Variants in GRIA2 observed in about 807,000 individuals in gnomAD.
The protein encoded by GRIA2 is glutamate ionotropic receptor AMPA type subunit 2.
Under a neutral mutation model 97.3 loss-of-function variants are expected in GRIA2, and 14 were observed. That is an observed-to-expected ratio of 0.14 (90% CI 0.10 to 0.23). The LOEUF (loss-of-function observed/expected upper bound fraction) is 0.23. Among genes scored for constraint, GRIA2 ranks in the 10% least tolerant of loss-of-function variants. The pLI, the probability that GRIA2 is intolerant of heterozygous loss-of-function variation, is 1.00. For missense variants in GRIA2, 558 were observed against 1,069.8 expected (o/e 0.52, Z 6.67); for synonymous variants, 412 against 387.8 (o/e 1.06, Z -0.73).
At chr4:157,224,386 G>A (rs554470914) in intron 2 of GRIA2, among the ~76,000 whole-genome samples, 71 of 152,272 alleles carry the variant, frequency 4.7e-4, no homozygotes, top group African/African-American at 1.7e-3. Flanking sequence ...TGACAGAAGA[G>A]AGGCTCATTG....
At chr4:157,234,168 G>C (rs879127103) in intron 2 of GRIA2, among the ~76,000 whole-genome samples, 204 of 152,142 alleles carry the variant, frequency 1.3e-3, no homozygotes, top group African/African-American at 4.7e-3. Flanking sequence ...TAATTATCAG[G>C]TTTAAATGAT....
At position 157,365,225 on chromosome 4, in the gene GRIA2, C is replaced by T. The variant is rs1476948634; in HGVS notation, c.*1794C>T. ...AGGCATGTGGTATCATGATATTCTT[C>T]ACTAAATTTAGCTGTCCCTAATCAC... On this transcript the variant is annotated 3_prime_UTR_variant, in exon 16 of 16. Coordinates refer to ENST00000264426, the MANE Select transcript of GRIA2 (RefSeq NM_001083619.3). The T allele has an allele frequency of 3.3e-5, 5 of 151,636 alleles. No individual in the cohort carries two copies. Among genetic ancestry groups the T allele is most frequent in the Non-Finnish European group, 5.9e-5 (4 of 67,642 alleles). 9.4% of individuals were successfully genotyped at this position (151,636 alleles called of 1,614,324 possible). A position where few individuals can be genotyped will look rare whatever the true frequency, so the allele number is the denominator to read the frequency against.
Position 157,320,119 on chromosome 4 carries a change from G to T in GRIA2, c.721-1319G>T, listed in dbSNP as rs187269310. Among the ~76,000 whole-genome samples the T allele has an allele frequency of 6.0e-4, 91 of 152,078 alleles. No individual in the cohort carries two copies. The East Asian group carries it at 0.011, about 18-fold the overall frequency. On this transcript the variant is annotated intron_variant, in intron 5 of 15. Coordinates refer to ENST00000264426, the MANE Select transcript of GRIA2 (RefSeq NM_001083619.3). The stretch of plus-strand genomic sequence containing the variant: ...TTTCATGGAAGCACTGGAAAAAATG[G>T]GGATAAGCATATAGAAATCTCTAGC...
intron 12 of GRIA2, among the ~76,000 whole-genome samples, chr4:157,352,356 T>C (rs1013031818): frequency 4.6e-5 from 7 of 152,226 alleles, no homozygotes; most frequent in African/African-American, 1.7e-4. Flanking sequence ...AGGGCTTAGA[T>C]TGTAAAATTT....
chr4:157,298,857 G>A (rs1278442033), intron 2 of GRIA2, among the ~76,000 whole-genome samples: 1 of 151,906 alleles, frequency 6.6e-6, no homozygotes, highest in South Asian at 2.1e-4. Flanking sequence ...AGATAACTGG[G>A]ATAATAGTGA....
chr4:157,283,471 A>G (rs984200363), intron 2 of GRIA2, among the ~76,000 whole-genome samples: 1 of 152,012 alleles, frequency 6.6e-6, no homozygotes, highest in Non-Finnish European at 1.5e-5. Context: ...TAATGTAGGA[A>G]TTATAAATAT....
chr4:157,252,659 A>G (rs1421606205), intron 2 of GRIA2, among the ~76,000 whole-genome samples: 1 of 152,144 alleles, frequency 6.6e-6, no homozygotes, highest in Non-Finnish European at 1.5e-5. Flanking sequence ...ATCAATGCAT[A>G]ATATTAGAGA....
At chr4:157,226,587 A>G (rs1243553268) in intron 2 of GRIA2, among the ~76,000 whole-genome samples, 1 of 152,040 alleles carries the variant, frequency 6.6e-6, no homozygotes, top group Non-Finnish European at 1.5e-5. Flanking sequence ...AATTACTGAG[A>G]TTTTTGTATC....
Position 157,332,903 on chromosome 4 carries a change from C to G in GRIA2, c.967C>G (p.Arg323Gly). The part of the protein sequence containing the change: ...NLRKQRIEIS[R>G]RGNAGDCLAN... ...AAGGAAGCAAAGAATTGAAATCTCC[C>G]GAAGGGGGAATGCAGGAGACTGTCT... is the stretch of plus-strand genomic sequence containing the variant. Residue 323 changes from arginine (R) to glycine (G), a missense_variant, in exon 7 of 16, where the codon CGA (arginine) becomes GGA (glycine). Physicochemically the swap from Arg to Gly is moderately radical, Grantham distance 125. Coordinates refer to ENST00000264426, the MANE Select transcript of GRIA2 (RefSeq NM_001083619.3). The G allele has an allele frequency of 1.9e-6, 3 of 1,612,362 alleles. No individual in the cohort carries two copies. The highest frequency in any genetic ancestry group is 2.5e-6 in the Non-Finnish European group (3 of 1,178,836).
chr4:157,220,652 ATGTGTGTGTG>A (rs60010721), upstream of GRIA2: 10 of 186,640 alleles, frequency 5.4e-5, no homozygotes, highest in East Asian at 1.2e-3. Context: ...GCGTGTGTGT[ATGTGTGTGTG>A]TGTGTGTGTG....
At chr4:157,277,671 G>A (rs1227651742) in intron 2 of GRIA2, among the ~76,000 whole-genome samples, 1 of 151,186 alleles carries the variant, frequency 6.6e-6, no homozygotes, top group Admixed American at 6.6e-5. Flanking sequence ...AAATAATTAT[G>A]GCAAGGTTGC....
chr4:157,346,374 G>A (rs1735766107), intron 12 of GRIA2, among the ~76,000 whole-genome samples: 1 of 151,996 alleles, frequency 6.6e-6, no homozygotes, highest in Non-Finnish European at 1.5e-5. Flanking sequence ...TCACAAATTT[G>A]TCATTCCCCG....
chr4:157,227,096 A>T (rs1364630763), intron 2 of GRIA2, among the ~76,000 whole-genome samples: 1 of 152,188 alleles, frequency 6.6e-6, no homozygotes, highest in Non-Finnish European at 1.5e-5. Context: ...TAAGTATTGA[A>T]ATAAAAATTA....
At chr4:157,317,587 A>G (rs1393775695) in intron 4 of GRIA2, 71 bp from the exon 5 acceptor site, 7 of 641,270 alleles carry the variant, frequency 1.1e-5, no homozygotes, top group Admixed American at 2.5e-5. Flanking sequence ...CCTGAATCAG[A>G]TCATAATACC....
chr4:157,323,496 T>A (rs1392341685), intron 6 of GRIA2, among the ~76,000 whole-genome samples: 1 of 151,934 alleles, frequency 6.6e-6, no homozygotes, highest in African/African-American at 2.4e-5. Flanking sequence ...TAACTGCCGA[T>A]CCCATTCTGT....
At chr4:157,298,954 A>C (rs957543173) in intron 2 of GRIA2, among the ~76,000 whole-genome samples, 15 of 152,194 alleles carry the variant, frequency 9.9e-5, no homozygotes, top group Non-Finnish European at 2.2e-4. Flanking sequence ...AGAAGATAAG[A>C]GAAAACAATT....
At chr4:157,321,415 A>T (rs757072811) in intron 5 of GRIA2, 23 bp from the exon 6 acceptor site, 1 of 1,564,416 alleles carries the variant, frequency 6.4e-7, no homozygotes, top group East Asian at 2.3e-5. Context: ...AAAAAGCGTG[A>T]TATCAATGTG....
chr4:157,254,286 G>A (rs539885400), intron 2 of GRIA2, among the ~76,000 whole-genome samples: 3 of 152,058 alleles, frequency 2.0e-5, no homozygotes, highest in South Asian at 4.1e-4. Flanking sequence ...TCGTTTTAAA[G>A]TCTAGGCCTA....
chr4:157,257,077 A>G (rs1731311450), intron 2 of GRIA2, among the ~76,000 whole-genome samples: 1 of 152,086 alleles, frequency 6.6e-6, no homozygotes, highest in Admixed American at 6.6e-5. Flanking sequence ...GTTGGAAGAA[A>G]TCAGTTATGC....
Sources: gnomAD v4.1 joint callset for allele counts (sites outside exome capture counted in the v4.1 genomes callset) on GRCh38, gnomAD v4.1.1 for gene constraint, MANE v1.5 for transcripts, NCBI Gene and HGNC (gene_info 2026-07-23, HGNC 2026-07-21) for gene names.